Variants in PHLPP2 observed in about 807,000 individuals in gnomAD.
The protein encoded by PHLPP2 is PH domain leucine-rich repeat-containing protein phosphatase 2.
A neutral mutation model predicts 124.9 loss-of-function variants in PHLPP2; 66 were observed. That is an observed-to-expected ratio of 0.53 (90% confidence interval 0.43 to 0.65). The LOEUF is 0.65. PHLPP2 is among the 30% of genes least tolerant of loss of function. The probability of loss-of-function intolerance (pLI) is 0.00; values close to 1 mark genes in which losing one functional copy is unlikely to be tolerated. For missense variants in PHLPP2, 1,685 were observed against 1,600.4 expected (o/e 1.05, Z -0.90); for synonymous variants, 681 against 624.7 (o/e 1.09, Z -1.34).
chr16:71,691,528 C>G (rs946551095), intron 3 of PHLPP2, among the ~76,000 whole-genome samples: 5 of 151,306 alleles, frequency 3.3e-5, no homozygotes, highest in Non-Finnish European at 7.4e-5. Flanking sequence ...ATATAAAATA[C>G]TAAGCATAGT....
rs977957022 is a variant in PHLPP2 at position 71,645,224 on chromosome 16, T to C, written c.*3666A>G. 6.3e-6 allele frequency: 1 copy of C among 159,452 alleles called. No homozygotes were observed. The highest frequency in any genetic ancestry group is 1.4e-5 in the Non-Finnish European group (1 of 72,776). The allele number at this position is 159,452 out of a possible 1,614,324, so 9.9% of individuals were successfully genotyped here. ...TGAAATTTAGAATACAAGGAACTTA[T>C]GTGTGACTGACTGATCACCAAATGA... On this transcript the variant is annotated 3_prime_UTR_variant, in exon 19 of 19. Coordinates refer to ENST00000568954, the MANE Select transcript of PHLPP2 (RefSeq NM_015020.3).
At chr16:71,684,754 G>A (rs922691724) in intron 4 of PHLPP2, 153 bp from the exon 5 acceptor site, 10 of 643,764 alleles carry the variant, frequency 1.6e-5, no homozygotes, top group Non-Finnish European at 2.3e-5. Context: ...ATCTGCCAAT[G>A]GGTCACACAT....
intron 2 of PHLPP2, among the ~76,000 whole-genome samples, chr16:71,709,247 C>T (rs915649117): frequency 6.6e-6 from 1 of 151,894 alleles, no homozygotes; most frequent in African/African-American, 2.4e-5. Flanking sequence ...TGTTTCATTC[C>T]ACCTTTATAA....
At chr16:71,655,059 G>A in intron 17 of PHLPP2, 181 bp downstream of exon 17, 1 of 545,950 alleles carries the variant, frequency 1.8e-6, no homozygotes, top group Non-Finnish European at 3.3e-6. Flanking sequence ...ACCCCCACAG[G>A]CTTTTGAAAG....
chr16:71,702,466 T>G, intron 3 of PHLPP2, 132 bp downstream of exon 3: 1 of 621,062 alleles, frequency 1.6e-6, no homozygotes, highest in Non-Finnish European at 2.7e-6. Context: ...GTTTGGTTGG[T>G]GTTAACTACG....
rs748748366 is a variant in PHLPP2, at chr16:71,649,382, G to T, written c.3480C>A (p.Thr1160=). 1 of 1,613,978 alleles carries T rather than the reference G, an allele frequency of 6.2e-7. No individual in the cohort carries two copies. Among genetic ancestry groups the T allele is most frequent in the Non-Finnish European group, 8.5e-7 (1 of 1,179,876 alleles). ...CTTCCACCTCTACCTTGCTGCCATT[G>T]GTTATGACCCCCTCAACGGGCTGGT... ...DDDQPVEGVI[T]NGSKVEVEVD... is the part of the protein sequence containing the mutation. Residue 1160 remains threonine (T), a synonymous_variant, in exon 19 of 19, where the codon ACC becomes ACA. Transcript: ENST00000568954.
intron 1 of PHLPP2, among the ~76,000 whole-genome samples, chr16:71,719,193 A>C (rs988203254): frequency 6.6e-6 from 1 of 152,238 alleles, no homozygotes; most frequent in Non-Finnish European, 1.5e-5. Flanking sequence ...ACACAATGAC[A>C]ATTACCTCTT....
chr16:71,658,128 AT>A (rs2044757273), intron 15 of PHLPP2, 104 bp downstream of exon 15: 1 of 984,378 alleles, frequency 1.0e-6, no homozygotes, highest in Non-Finnish European at 1.5e-6. Context: ...GCCTAACTTC[AT>A]TCTGTTCTTT....
At chr16:71,684,953 T>C (rs976776205) in intron 4 of PHLPP2, among the ~76,000 whole-genome samples, 4 of 152,146 alleles carry the variant, frequency 2.6e-5, no homozygotes, top group African/African-American at 7.2e-5. Context: ...ATCTCTTTAC[T>C]AGGCTTGAGA....
In PHLPP2 at chr16:71,710,420, A is replaced by G. The variant is rs561273268; in HGVS notation, c.284+4092T>C. ...AGTAGTAATGAATAACTCAGAGAAA[A>G]CGTGGGGTAATTTTAATCCCAGTAA... On this transcript the variant is annotated intron_variant, in intron 2 of 18. Coordinates refer to ENST00000568954, the MANE Select transcript of PHLPP2 (RefSeq NM_015020.3). Among the ~76,000 whole-genome samples, 58 of 152,346 alleles carry G rather than the reference A, an allele frequency of 3.8e-4. No homozygotes were observed. The South Asian group carries it at 0.012, about 30-fold the overall frequency.
intron 11 of PHLPP2, among the ~76,000 whole-genome samples, chr16:71,668,327 G>A (rs2044857423): frequency 6.7e-6 from 1 of 148,564 alleles, no homozygotes; most frequent in Admixed American, 6.8e-5. Context: ...GAGGCAGGAG[G>A]ATGGTGTGAA....
At chr16:71,696,431 G>A (rs1389606055) in intron 3 of PHLPP2, among the ~76,000 whole-genome samples, 4 of 152,092 alleles carry the variant, frequency 2.6e-5, no homozygotes, top group Admixed American at 2.6e-4. Flanking sequence ...GAGGTCAGGA[G>A]TTCGAGACCA....
chr16:71,662,269 A>C (rs2044798953), intron 13 of PHLPP2, among the ~76,000 whole-genome samples: 1 of 151,954 alleles, frequency 6.6e-6, no homozygotes, highest in Non-Finnish European at 1.5e-5. Flanking sequence ...GTCTCTACAA[A>C]AATACAAAAA....
At chr16:71,684,228 C>T (rs1009012695) in intron 5 of PHLPP2, among the ~76,000 whole-genome samples, 3 of 149,802 alleles carry the variant, frequency 2.0e-5, no homozygotes, top group East Asian at 2.0e-4. Flanking sequence ...CGGATTCAAG[C>T]GATTCGCCTG....
intron 17 of PHLPP2, among the ~76,000 whole-genome samples, chr16:71,654,204 G>GAAAAA (rs765826548): frequency 1.5e-4 from 11 of 72,360 alleles, no homozygotes; most frequent in East Asian, 6.9e-4. Flanking sequence ...TCTCAAAAAA[G>GAAAAA]AAAAAAAAAA....
intron 5 of PHLPP2, among the ~76,000 whole-genome samples, chr16:71,682,665 C>G (rs754727241): frequency 6.6e-6 from 1 of 152,062 alleles, no homozygotes; most frequent in African/African-American, 2.4e-5. Flanking sequence ...ATGCAAAAGA[C>G]ACTCAAAAAA....
In PHLPP2 at chr16:71,649,664, C is replaced by T; in HGVS notation, c.3198G>A (p.Lys1066=). The T allele has an allele frequency of 6.2e-7, 1 of 1,612,122 alleles. No homozygotes were observed. Among genetic ancestry groups the T allele is most frequent in the Non-Finnish European group, 8.5e-7 (1 of 1,179,706 alleles). Residue 1066 remains lysine (K), a synonymous_variant, in exon 19 of 19, where the codon AAG becomes AAA. Transcript: ENST00000568954. ...ASTTTIKDAP[K]PATPSSSSGI... ...CACTGCTAGAGGATGGAGTGGCTGG[C>T]TTAGGGGCATCCTTGATAGTGGTGG...
intron 1 of PHLPP2, among the ~76,000 whole-genome samples, chr16:71,722,658 G>A (rs762141848): frequency 6.6e-6 from 1 of 152,116 alleles, no homozygotes; most frequent in Non-Finnish European, 1.5e-5. Flanking sequence ...GTTTTGCAAT[G>A]TATTTTTGAA....
At chr16:71,653,047 G>A in intron 17 of PHLPP2, 26 bp from the exon 18 acceptor site, 1 of 1,483,194 alleles carries the variant, frequency 6.7e-7, no homozygotes, top group East Asian at 2.3e-5. Flanking sequence ...AGGAAAAGAA[G>A]ACGTGGTGGC....
Sources: allele counts gnomAD v4.1 joint callset (sites outside exome capture counted in the v4.1 genomes callset), GRCh38; gene constraint gnomAD v4.1.1; transcripts MANE v1.5; gene names NCBI Gene and HGNC (gene_info 2026-07-23, HGNC 2026-07-21).